Variants in KLHL18 observed in about 807,000 individuals in gnomAD.
KLHL18 encodes kelch-like protein 18.
In KLHL18, 38 loss-of-function variants were observed where a neutral mutation model predicts 58.5. The ratio of observed to expected loss-of-function variants is 0.65; its 90% CI spans 0.50 to 0.85. The LOEUF is 0.85. Ranked by LOEUF, KLHL18 falls within the 40% of genes least tolerant of loss-of-function variation. KLHL18 has a pLI of 0.00. For synonymous variants in KLHL18, 303 were observed against 301.9 expected (o/e 1.00, Z -0.04); for missense variants, 624 against 778.4 (o/e 0.80, Z 2.36).
intron 1 of KLHL18, among the ~76,000 whole-genome samples, chr3:47,284,342 T>C (rs1464853150): frequency 6.8e-6 from 1 of 147,684 alleles, no homozygotes; most frequent in African/African-American, 2.5e-5. Flanking sequence ...TTTTTCTTTT[T>C]TTTTTTTTTT....
In KLHL18 at chr3:47,346,237, T is replaced by C. The variant is rs1433782875; in HGVS notation, c.*2296T>C. ...CTACCATGGCCTGCTGCTCTTGTAG[T>C]GGACTTCCTGAGTCCAATCCCACCT... On this transcript the variant is annotated 3_prime_UTR_variant, in exon 10 of 10. Transcript: ENST00000232766. 6.6e-6 allele frequency: 1 copy of C among 152,622 alleles called. No individual in the cohort carries two copies. The highest frequency in any genetic ancestry group is 1.5e-5 in the Non-Finnish European group (1 of 68,050). 9.5% of individuals were successfully genotyped at this position (152,622 alleles called of 1,614,324 possible). A position where few individuals can be genotyped will look rare whatever the true frequency, so the allele number is the denominator to read the frequency against.
intron 7 of KLHL18, among the ~76,000 whole-genome samples, chr3:47,340,257 G>A (rs532707383): frequency 1.3e-5 from 2 of 152,156 alleles, no homozygotes; most frequent in African/African-American, 4.8e-5. Flanking sequence ...ACAAAGGGGA[G>A]GAAGAGGAGA....
rs1310192961 is a variant in KLHL18 at position 47,330,083 on chromosome 3, C to T, written c.534C>T (p.Ala178=). 6.2e-7 allele frequency: 1 copy of T among 1,614,046 alleles called. No homozygotes were observed. The highest frequency in any genetic ancestry group is 1.7e-5 in the Admixed American group (1 of 60,008). The change falls in exon 4 of 10, where the codon GCC becomes GCT. Residue 178 remains alanine (A), a synonymous_variant. Transcript: ENST00000232766. The part of the protein sequence containing the change: ...VEVSMSEEFL[A]LPLEDVLELV... The stretch of plus-strand genomic sequence containing the variant: ...TGTCCATGTCAGAAGAGTTCCTGGC[C>T]CTGCCCTTGGAAGACGTGCTTGAGC...
At chr3:47,310,400 G>C (rs1328445665) in intron 1 of KLHL18, among the ~76,000 whole-genome samples, 2 of 152,174 alleles carry the variant, frequency 1.3e-5, no homozygotes, top group African/African-American at 4.8e-5. Context: ...CTTCTTTGCT[G>C]ATAGATCCTC....
chr3:47,333,950 T>G (rs1490192789), intron 5 of KLHL18, among the ~76,000 whole-genome samples: 1 of 152,216 alleles, frequency 6.6e-6, no homozygotes, highest in Non-Finnish European at 1.5e-5. Context: ...GCTTATCAAA[T>G]TCACAACCCT....
At chr3:47,304,661 T>G (rs1197639789) in intron 1 of KLHL18, among the ~76,000 whole-genome samples, 1 of 152,252 alleles carries the variant, frequency 6.6e-6, no homozygotes, top group Non-Finnish European at 1.5e-5. Context: ...GTAACTTTGC[T>G]GAACTCGCTT....
chr3:47,329,737 G>C (rs755872005), intron 3 of KLHL18, among the ~76,000 whole-genome samples: 5 of 152,160 alleles, frequency 3.3e-5, no homozygotes, highest in Admixed American at 6.6e-5. Flanking sequence ...CTGACGCACA[G>C]AGCACCAGGC....
At chr3:47,330,207 A>C (rs990613539) in intron 4 of KLHL18, 58 bp downstream of exon 4, 10 of 1,476,944 alleles carry the variant, frequency 6.8e-6, no homozygotes, top group African/African-American at 1.4e-5. Flanking sequence ...CTTTATAGTC[A>C]TTGTTTTGTT....
At chr3:47,286,311 A>C (rs1461272446) in intron 1 of KLHL18, among the ~76,000 whole-genome samples, 1 of 152,172 alleles carries the variant, frequency 6.6e-6, no homozygotes, top group African/African-American at 2.4e-5. Context: ...GGGAAAGAGC[A>C]TGCAAACCAG....
chr3:47,327,233 C>T (rs1011775439), intron 3 of KLHL18, among the ~76,000 whole-genome samples: 3 of 151,806 alleles, frequency 2.0e-5, no homozygotes, highest in South Asian at 2.1e-4. Context: ...CAGGAGACTC[C>T]GTCTCAAAAA....
chr3:47,301,529 C>A (rs936846444), intron 1 of KLHL18, among the ~76,000 whole-genome samples: 5 of 152,070 alleles, frequency 3.3e-5, no homozygotes, highest in African/African-American at 9.7e-5. Flanking sequence ...AAGCAGCTAG[C>A]CATTCTTGTG....
chr3:47,298,295 C>T (rs926386330), intron 1 of KLHL18, among the ~76,000 whole-genome samples: 1 of 137,752 alleles, frequency 7.3e-6, no homozygotes, highest in East Asian at 2.2e-4. Flanking sequence ...TTAGAGGCTG[C>T]GGTGAGCTAT....
In KLHL18 at chr3:47,346,118, G is replaced by A. The variant is rs1025915831; in HGVS notation, c.*2177G>A. Reference sequence around the variant, plus strand: ...ATTTGAAGTAGCACCAACAAGCCTGGATTGTGAAGGTATTAAGAATCGGTC... The same window carrying A: ...ATTTGAAGTAGCACCAACAAGCCTGAATTGTGAAGGTATTAAGAATCGGTC... On this transcript the variant is annotated 3_prime_UTR_variant, in exon 10 of 10. Transcript: ENST00000232766. 3 of 152,492 alleles carry A rather than the reference G, an allele frequency of 2.0e-5. No homozygotes were observed. Among genetic ancestry groups the A allele is most frequent in the African/African-American group, 7.2e-5 (3 of 41,402 alleles). 9.4% of individuals were successfully genotyped at this position (152,492 alleles called of 1,614,324 possible). A position where few individuals can be genotyped will look rare whatever the true frequency, so the allele number is the denominator to read the frequency against.
At chr3:47,330,434 G>A (rs1476878738) in intron 4 of KLHL18, among the ~76,000 whole-genome samples, 1 of 151,966 alleles carries the variant, frequency 6.6e-6, no homozygotes, top group East Asian at 1.9e-4. Flanking sequence ...CGAGTAGCTG[G>A]AACTACAGGC....
chr3:47,283,114 A>C lies in KLHL18; in HGVS notation c.129+20A>C. On this transcript the variant is annotated intron_variant, in intron 1 of 9. Transcript: ENST00000232766. ...CTCAAGGTACCGCGGACTGGGCGGC[A>C]GCGGGCTGAGGGAAAAGGGGTCGAG... The C allele has an allele frequency of 6.6e-7, 1 of 1,512,284 alleles. No homozygotes were observed. The highest frequency in any genetic ancestry group is 8.9e-7 in the Non-Finnish European group (1 of 1,123,076). 93.7% of individuals were successfully genotyped at this position (1,512,284 alleles called of 1,614,324 possible).
Position 47,345,116 on chromosome 3 carries a change from G to C in KLHL18, c.*1175G>C, listed in dbSNP as rs1241215108. On this transcript the variant is annotated 3_prime_UTR_variant, in exon 10 of 10. Coordinates refer to ENST00000232766, the MANE Select transcript of KLHL18 (RefSeq NM_025010.5). ...TTGACCAGCAGGAAACAGCAGGTCTGGCCAGATTCTCACTTGCCCATCAAT... is the reference window on the plus strand; with the variant it reads ...TTGACCAGCAGGAAACAGCAGGTCTCGCCAGATTCTCACTTGCCCATCAAT... 6.6e-6 allele frequency: 1 copy of C among 152,362 alleles called. No homozygotes were observed. The highest frequency in any genetic ancestry group is 2.4e-5 in the African/African-American group (1 of 41,418). The allele number at this position is 152,362 out of a possible 1,614,324, so 9.4% of individuals were successfully genotyped here. A position where few individuals can be genotyped will look rare whatever the true frequency, so the allele number is the denominator to read the frequency against.
chr3:47,339,332 C>CA (rs879345636), intron 7 of KLHL18, among the ~76,000 whole-genome samples: 159 of 146,032 alleles, frequency 1.1e-3, no homozygotes, highest in African/African-American at 3.1e-3. Context: ...CCCGTCTATA[C>CA]AAAAAAAAAA....
chr3:47,333,130 C>A, intron 4 of KLHL18, 27 bp from the exon 5 acceptor site: 1 of 1,603,270 alleles, frequency 6.2e-7, no homozygotes, highest in South Asian at 1.1e-5. Context: ...GGAGGATTTG[C>A]TGCCAGAACA....
intron 2 of KLHL18, 106 bp from the exon 3 acceptor site, chr3:47,322,462 C>G (rs1703610914): frequency 9.0e-7 from 1 of 1,115,138 alleles, no homozygotes; most frequent in South Asian, 2.3e-5. Context: ...TAGATAGATT[C>G]TCAAAGGGCC....
Sources: allele counts gnomAD v4.1 joint callset (sites outside exome capture counted in the v4.1 genomes callset), GRCh38; gene constraint gnomAD v4.1.1; transcripts MANE v1.5; gene names NCBI Gene and HGNC (gene_info 2026-07-23, HGNC 2026-07-21).